TNFAIP8L1: variants seen among roughly 807,000 people sequenced by gnomAD.
TNFAIP8L1 encodes the protein TNF alpha induced protein 8 like 1, also known as tumor necrosis factor alpha-induced protein 8-like protein 1.
For missense variants in TNFAIP8L1, 225 were observed against 266.1 expected (o/e 0.85, Z 1.08); for synonymous variants, 127 against 125.6 (o/e 1.01, Z -0.08).
intron 1 of TNFAIP8L1, among the ~76,000 whole-genome samples, chr19:4,643,562 G>T (rs558792707): frequency 6.6e-6 from 1 of 152,344 alleles, no homozygotes; most frequent in Non-Finnish European, 1.5e-5. Context: ...GGTCCTGAGG[G>T]TGCTGGGGAA....
intron 1 of TNFAIP8L1, among the ~76,000 whole-genome samples, chr19:4,643,561 G>A (rs538698944): frequency 6.6e-6 from 1 of 152,350 alleles, no homozygotes; most frequent in Admixed American, 6.5e-5. Context: ...TGGTCCTGAG[G>A]GTGCTGGGGA....
intron 1 of TNFAIP8L1, among the ~76,000 whole-genome samples, chr19:4,642,779 G>A (rs1001998950): frequency 3.3e-5 from 5 of 151,936 alleles, no homozygotes; most frequent in African/African-American, 7.3e-5. Context: ...GGCAGGGTGC[G>A]CAGGATCTTA....
rs369158495 is a variant in TNFAIP8L1, at chr19:4,643,740, G to C, written c.-4+4111G>C. Reference sequence around the variant, plus strand: ...ATCGCTTGAGCCCAGGAGGAGACCAGCCTGGCCAACATGGCAAAACCCCAT... The same window carrying C: ...ATCGCTTGAGCCCAGGAGGAGACCACCCTGGCCAACATGGCAAAACCCCAT... On this transcript the variant is annotated intron_variant, in intron 1 of 1. Coordinates refer to ENST00000327473, the MANE Select transcript of TNFAIP8L1 (RefSeq NM_152362.3). Among the ~76,000 whole-genome samples, 6 of 152,236 alleles carry C rather than the reference G, an allele frequency of 3.9e-5. No homozygotes were observed. In the East Asian group the frequency reaches 9.7e-4, roughly 25 times the overall value.
At position 4,651,939 on chromosome 19, in the gene TNFAIP8L1, A is replaced by C. The variant is rs1568282539; in HGVS notation, c.70A>C (p.Lys24Gln). The C allele has an allele frequency of 6.2e-7, 1 of 1,614,048 alleles. No individual in the cohort carries two copies. The highest frequency in any genetic ancestry group is 1.7e-4 in the Middle Eastern group (1 of 6,056). Reference sequence around the variant, plus strand: ...GAAGCTCCTGAGTAAGATGGCGTCCAAGGCAGTGGTGGCCGTGCTGGTGGA... The same window carrying C: ...GAAGCTCCTGAGTAAGATGGCGTCCCAGGCAGTGGTGGCCGTGCTGGTGGA... Reference protein sequence around the residue: ...QKKLLSKMASKAVVAVLVDDT... With the variant: ...QKKLLSKMASQAVVAVLVDDT... Residue 24 changes from lysine to glutamine, a missense_variant, in exon 2 of 2, where the codon AAG becomes CAG. Transcript: ENST00000327473.
chr19:4,650,799 T>C (rs569419201), intron 1 of TNFAIP8L1, among the ~76,000 whole-genome samples: 110 of 152,206 alleles, frequency 7.2e-4, no homozygotes, highest in African/African-American at 2.6e-3. Flanking sequence ...CACTCGGGGC[T>C]GAAGGCCTTG....
intron 1 of TNFAIP8L1, among the ~76,000 whole-genome samples, chr19:4,648,977 T>C (rs2088337269): frequency 6.7e-6 from 1 of 149,556 alleles, no homozygotes; most frequent in South Asian, 2.1e-4. Flanking sequence ...TTGCCCAGGC[T>C]GGAGTCCAGT....
rs961624466 is a variant in TNFAIP8L1 at position 4,645,862 on chromosome 19, C to G, written c.-3-6005C>G. 6.6e-6 allele frequency among the ~76,000 whole-genome samples: 1 copy of G among 152,106 alleles called. No individual in the cohort carries two copies. The highest frequency in any genetic ancestry group is 6.5e-5 in the Admixed American group (1 of 15,270). On this transcript the variant is annotated intron_variant, in intron 1 of 1. Coordinates refer to ENST00000327473, the MANE Select transcript of TNFAIP8L1 (RefSeq NM_152362.3). This position sits in a 1 kb window ranked among gnomAD's most constrained non-coding sequence, Gnocchi z 4.1. ...GGGAGACCTCAGAGCTGTGGACGGACCTGGACAGAGGCTGTGGACAGGGCT... is the reference window on the plus strand; with the variant it reads ...GGGAGACCTCAGAGCTGTGGACGGAGCTGGACAGAGGCTGTGGACAGGGCT...
Position 4,652,499 on chromosome 19 carries a change from G to A in TNFAIP8L1, c.*69G>A. On this transcript the variant is annotated 3_prime_UTR_variant, in exon 2 of 2. Coordinates refer to ENST00000327473, the MANE Select transcript of TNFAIP8L1 (RefSeq NM_152362.3). ...CTCCTGCTGGGCGCGGGTGGGGTTT[G>A]TGGGTTTTTTTCCACCTCTTTTCTC... is the stretch of plus-strand genomic sequence containing the variant. 6 of 1,418,490 alleles carry A rather than the reference G, an allele frequency of 4.2e-6. No homozygotes were observed. Among genetic ancestry groups the A allele is most frequent in the Non-Finnish European group, 5.6e-6 (6 of 1,073,260 alleles). The allele number at this position is 1,418,490 out of a possible 1,614,324, so 87.9% of individuals were successfully genotyped here.
Position 4,655,178 on chromosome 19 carries a change from C to T in TNFAIP8L1, c.*2748C>T, listed in dbSNP as rs72620520. The stretch of plus-strand genomic sequence containing the variant: ...CACCACAGTCCTCTCCACTCCCTTT[C>T]GCCTCTCCCTGGCCTGCTGCACTCA... On this transcript the variant is annotated 3_prime_UTR_variant, in exon 2 of 2. Transcript: ENST00000327473. 0.066 allele frequency: 10,023 copies of T among 152,406 alleles called. 376 individuals carry two copies. The highest frequency in any genetic ancestry group is 0.097 in the African/African-American group (4,025 of 41,528). The allele number at this position is 152,406 out of a possible 1,614,324, so 9.4% of individuals were successfully genotyped here.
rs774090486 is a variant in TNFAIP8L1 at position 4,641,946 on chromosome 19, A to T, written c.-4+2317A>T. 3.9e-5 allele frequency: 6 copies of T among 152,176 alleles called. No homozygotes were observed. Among genetic ancestry groups the T allele is most frequent in the Non-Finnish European group, 7.3e-5 (5 of 68,052 alleles). The allele number at this position is 152,176 out of a possible 1,614,324, so 9.4% of individuals were successfully genotyped here. A position where few individuals can be genotyped will look rare whatever the true frequency, so the allele number is the denominator to read the frequency against. ...TGTGACTCAGTTTCCTTATAACCAAAAACTTGCAGGTCCATCTAGAGAATT... is the reference window on the plus strand; with the variant it reads ...TGTGACTCAGTTTCCTTATAACCAATAACTTGCAGGTCCATCTAGAGAATT... On this transcript the variant is annotated intron_variant, in intron 1 of 1. Coordinates refer to ENST00000327473, the MANE Select transcript of TNFAIP8L1 (RefSeq NM_152362.3). This position sits in a 1 kb window ranked among gnomAD's most constrained non-coding sequence, Gnocchi z 4.6.
chr19:4,643,352 G>T (rs1476662563), intron 1 of TNFAIP8L1, among the ~76,000 whole-genome samples: 6 of 152,102 alleles, frequency 3.9e-5, no homozygotes, highest in Admixed American at 3.9e-4. Context: ...GTGATCCTAG[G>T]CTTCTCTGCA....
chr19:4,649,640 T>C (rs773024589), intron 1 of TNFAIP8L1, among the ~76,000 whole-genome samples: 1 of 152,188 alleles, frequency 6.6e-6, no homozygotes, highest in Non-Finnish European at 1.5e-5. Flanking sequence ...GCTCAGCCTC[T>C]CTGAGCCTTT....
chr19:4,643,810 C>G (rs2088284615), intron 1 of TNFAIP8L1, among the ~76,000 whole-genome samples: 1 of 152,134 alleles, frequency 6.6e-6, no homozygotes, highest in Non-Finnish European at 1.5e-5. Flanking sequence ...TGGCAGGTGC[C>G]TGTAATCCCA....
Position 4,645,373 on chromosome 19 carries a change from C to A in TNFAIP8L1, c.-4+5744C>A, listed in dbSNP as rs1356964526. 2.0e-5 allele frequency among the ~76,000 whole-genome samples: 3 copies of A among 151,992 alleles called. No individual in the cohort carries two copies. The highest frequency in any genetic ancestry group is 2.9e-5 in the Non-Finnish European group (2 of 68,024). On this transcript the variant is annotated intron_variant, in intron 1 of 1. Transcript: ENST00000327473. The surrounding 1 kb of genome is among the most constrained non-coding windows in gnomAD (Gnocchi z 4.1). ...GACCAGCCTGGCCGACATGGCCAAA[C>A]CCCGTCTCTACTAAAAATACACAAA...
Position 4,652,058 on chromosome 19 carries a change from G to A in TNFAIP8L1, c.189G>A (p.Leu63=), listed in dbSNP as rs759800897. Residue 63 remains leucine (L), a synonymous_variant, in exon 2 of 2, where the codon CTG becomes CTA. Coordinates refer to ENST00000327473, the MANE Select transcript of TNFAIP8L1 (RefSeq NM_152362.3). ...RKEAQKMLKN[L]VKVALKLGLL... ...AGGCCCAGAAGATGCTCAAGAACCT[G>A]GTCAAGGTGGCCCTGAAGCTGGGAC... 7.7e-5 allele frequency: 124 copies of A among 1,612,278 alleles called. No homozygotes were observed. The highest frequency in any genetic ancestry group is 9.3e-5 in the Non-Finnish European group (110 of 1,179,242).
chr19:4,652,169 G>A lies in TNFAIP8L1; in HGVS notation c.300G>A (p.Thr100=), dbSNP rs944338154. 2 of 1,551,654 alleles carry A rather than the reference G, an allele frequency of 1.3e-6. No homozygotes were observed. Among genetic ancestry groups the A allele is most frequent in the Non-Finnish European group, 1.7e-6 (2 of 1,149,724 alleles). ...FRHRARCLAM[T]AVSFHQVDFT... is the part of the protein sequence containing the mutation. ...ACCGGGCGCGCTGCCTGGCCATGAC[G>A]GCCGTCAGCTTCCACCAGGTGGACT... Residue 100 remains threonine (T), a synonymous_variant, in exon 2 of 2, where the codon ACG becomes ACA. Coordinates refer to ENST00000327473, the MANE Select transcript of TNFAIP8L1 (RefSeq NM_152362.3).
chr19:4,652,559 T>A lies in TNFAIP8L1; in HGVS notation c.*129T>A, dbSNP rs1007768439. The A allele has an allele frequency of 3.4e-6, 3 of 881,728 alleles. No individual in the cohort carries two copies. The highest frequency in any genetic ancestry group is 5.8e-5 in the East Asian group (2 of 34,556). The allele number at this position is 881,728 out of a possible 1,614,324, so 54.6% of individuals were successfully genotyped here. A position where few individuals can be genotyped will look rare whatever the true frequency, so the allele number is the denominator to read the frequency against. On this transcript the variant is annotated 3_prime_UTR_variant, in exon 2 of 2. Coordinates refer to ENST00000327473, the MANE Select transcript of TNFAIP8L1 (RefSeq NM_152362.3). ...CTCCGGCCAAACTCCCCTAGACAGA[T>A]GGGTGACCTGTCTCCTTTGAGAGGA...
At chr19:4,643,010 G>C (rs147776805) in intron 1 of TNFAIP8L1, among the ~76,000 whole-genome samples, 67 of 152,076 alleles carry the variant, frequency 4.4e-4, no homozygotes, top group East Asian at 1.7e-3. Context: ...AGGCCAGGCA[G>C]GGTGGCTCAT....
At chr19:4,644,377 C>T (rs1244654013) in intron 1 of TNFAIP8L1, among the ~76,000 whole-genome samples, 1 of 121,868 alleles carries the variant, frequency 8.2e-6, no homozygotes, top group Admixed American at 8.6e-5. Flanking sequence ...CCATGTCTAC[C>T]AAAAAAAAAA....
Sources: allele counts gnomAD v4.1 joint callset (sites outside exome capture counted in the v4.1 genomes callset), GRCh38; gene constraint gnomAD v4.1.1; non-coding constraint Gnocchi (gnomAD v3.1); transcripts MANE v1.5; gene names NCBI Gene and HGNC (gene_info 2026-07-23, HGNC 2026-07-21).